The following KCNC2 variants were observed in gnomAD, a reference collection of about 807,000 sequenced individuals.
KCNC2 encodes the protein voltage-gated potassium channel KCNC2.
Under a neutral mutation model 44.5 loss-of-function variants are expected in KCNC2, and 21 were observed. That is an observed-to-expected ratio of 0.47 (90% CI 0.33 to 0.68). KCNC2 has a LOEUF of 0.68. Among genes scored for constraint, KCNC2 ranks in the 30% least tolerant of loss-of-function variants. The probability of loss-of-function intolerance (pLI) is 0.01; values close to 1 mark genes in which losing one functional copy is unlikely to be tolerated. For missense variants in KCNC2, 589 were observed against 826.2 expected (o/e 0.71, Z 3.52); for synonymous variants, 391 against 339.1 (o/e 1.15, Z -1.68).
intron 2 of KCNC2, among the ~76,000 whole-genome samples, chr12:75,081,049 G>T (rs1034683881): frequency 6.6e-6 from 1 of 152,022 alleles, no homozygotes; most frequent in Non-Finnish European, 1.5e-5. Context: ...ACAATTTTCA[G>T]AATGCATTAC....
At chr12:75,135,190 C>T (rs1426348341) in intron 2 of KCNC2, among the ~76,000 whole-genome samples, 1 of 151,356 alleles carries the variant, frequency 6.6e-6, no homozygotes, top group Non-Finnish European at 1.5e-5. Context: ...CAGGACAAAG[C>T]AGATGGAGAA....
Position 75,134,669 on chromosome 12 carries a change from T to C in KCNC2, c.687+72628A>G, listed in dbSNP as rs977382496. Reference sequence around the variant, plus strand: ...GAGTGGATTCTGCAAGCCTCTAAGATAAAAAATGCTTTTAAAATAGTCTTC... The same window carrying C: ...GAGTGGATTCTGCAAGCCTCTAAGACAAAAAATGCTTTTAAAATAGTCTTC... On this transcript the variant is annotated intron_variant, in intron 2 of 4. Coordinates refer to ENST00000549446, the MANE Select transcript of KCNC2 (RefSeq NM_139137.4). 6.6e-5 allele frequency among the ~76,000 whole-genome samples: 10 copies of C among 151,930 alleles called. No homozygotes were observed. The South Asian group carries it at 8.3e-4, about 13-fold the overall frequency.
rs754124018 is a variant in KCNC2 at position 75,051,024 on chromosome 12, G to A, written c.981C>T (p.Tyr327=). The A allele has an allele frequency of 1.4e-5, 22 of 1,613,616 alleles. No homozygotes were observed. The South Asian group carries it at 2.2e-4, about 16-fold the overall frequency. The change falls in exon 3 of 5, where the codon TAC becomes TAT. Residue 327 remains tyrosine (Y), a synonymous_variant. Coordinates refer to ENST00000549446, the MANE Select transcript of KCNC2 (RefSeq NM_139137.4). ...IIDFVAILPF[Y]LEVGLSGLSS... ...ACAGCCCACTGAGTCCCACCTCTAAGTAGAAAGGTAGGATGGCCACAAAGT... is the reference window on the plus strand; with the variant it reads ...ACAGCCCACTGAGTCCCACCTCTAAATAGAAAGGTAGGATGGCCACAAAGT...
At chr12:75,124,020 A>T (rs192727940) in intron 2 of KCNC2, 27 of 152,302 alleles carry the variant, frequency 1.8e-4, no homozygotes, top group African/African-American at 6.3e-4. Context: ...CACATTTCTT[A>T]AAAAAGGTCA....
At chr12:75,084,571 A>G (rs1016885011) in intron 2 of KCNC2, among the ~76,000 whole-genome samples, 3 of 151,954 alleles carry the variant, frequency 2.0e-5, no homozygotes, top group Non-Finnish European at 2.9e-5. Flanking sequence ...CCACCATGTA[A>G]GAAGTGCCTT....
intron 2 of KCNC2, among the ~76,000 whole-genome samples, chr12:75,068,125 C>A (rs1883021057): frequency 6.6e-6 from 1 of 151,908 alleles, no homozygotes. Flanking sequence ...AGGGATAGAC[C>A]CAGATGTGGA....
chr12:75,127,641 C>T (rs965249303), intron 2 of KCNC2, among the ~76,000 whole-genome samples: 3 of 152,190 alleles, frequency 2.0e-5, no homozygotes, highest in Non-Finnish European at 1.5e-5. Context: ...GCAAACAGTT[C>T]TTTCTCTAAA....
chr12:75,193,662 G>T (rs2030507019), intron 2 of KCNC2, among the ~76,000 whole-genome samples: 1 of 152,190 alleles, frequency 6.6e-6, no homozygotes, highest in African/African-American at 2.4e-5. Context: ...AAAGAAAAAG[G>T]AAAGGTAACC....
chr12:75,146,051 T>A (rs1174834821), intron 2 of KCNC2, among the ~76,000 whole-genome samples: 3 of 150,766 alleles, frequency 2.0e-5, no homozygotes, highest in African/African-American at 4.9e-5. Context: ...CCTCCCGGGG[T>A]TCACACCATT....
chr12:75,053,787 T>C (rs986197424), intron 2 of KCNC2, among the ~76,000 whole-genome samples: 2 of 147,600 alleles, frequency 1.4e-5, no homozygotes, highest in African/African-American at 4.9e-5. Context: ...TTATTTTTAT[T>C]ATATATAACA....
chr12:75,148,948 A>G (rs1236305377), intron 2 of KCNC2, among the ~76,000 whole-genome samples: 1 of 151,480 alleles, frequency 6.6e-6, no homozygotes, highest in Admixed American at 6.6e-5. Flanking sequence ...TTTATGTCAC[A>G]TTACATTTCT....
chr12:75,183,948 T>C (rs1244026133), intron 2 of KCNC2, among the ~76,000 whole-genome samples: 1 of 152,130 alleles, frequency 6.6e-6, no homozygotes, highest in Non-Finnish European at 1.5e-5. Context: ...ACTTTATATA[T>C]TTCCCAAGGA....
chr12:75,104,026 AGGATCATCTGCTTTGCATGATCCT>A (rs1308542169), intron 2 of KCNC2, among the ~76,000 whole-genome samples: 2 of 152,036 alleles, frequency 1.3e-5, no homozygotes, highest in Non-Finnish European at 2.9e-5. Context: ...CGTCAGAAGG[AGGATCATCTGCTTTGCATGATCCT>A]GGATCATCGA....
In KCNC2 at chr12:75,042,249, G is replaced by A. The variant is rs1879990656; in HGVS notation, c.*856C>T. ...GTCTAGAACCAAGCAGCAATTTCTG[G>A]CTAAACAATGCAAGCCTGGCTGGCA... On this transcript the variant is annotated 3_prime_UTR_variant, in exon 5 of 5. Coordinates refer to ENST00000549446, the MANE Select transcript of KCNC2 (RefSeq NM_139137.4). The A allele has an allele frequency of 1.9e-6, 3 of 1,592,900 alleles. No individual in the cohort carries two copies. The African/African-American group carries it at 4.1e-5, about 22-fold the overall frequency.
intron 2 of KCNC2, among the ~76,000 whole-genome samples, chr12:75,112,796 T>A (rs1169523189): frequency 6.6e-6 from 1 of 152,086 alleles, no homozygotes; most frequent in East Asian, 1.9e-4. Flanking sequence ...ATTAAGTACA[T>A]TACTTTTGAA....
chr12:75,073,099 T>C (rs568711023), intron 2 of KCNC2, among the ~76,000 whole-genome samples: 1 of 152,300 alleles, frequency 6.6e-6, no homozygotes, highest in South Asian at 2.1e-4. Context: ...TGTTTATCTG[T>C]TGAGGCCTGA....
chr12:75,162,598 T>A (rs1891190599), intron 2 of KCNC2, among the ~76,000 whole-genome samples: 2 of 151,760 alleles, frequency 1.3e-5, no homozygotes, highest in African/African-American at 4.8e-5. Context: ...TGATGTCACA[T>A]CTTAAATCAC....
Position 75,041,730 on chromosome 12 carries a change from A to G in KCNC2, c.*1375T>C, listed in dbSNP as rs966302731. On this transcript the variant is annotated 3_prime_UTR_variant, in exon 5 of 5. Coordinates refer to ENST00000549446, the MANE Select transcript of KCNC2 (RefSeq NM_139137.4). ...GACACTGCAGCAGGCAACCAAGTGC[A>G]ATGGTGAAATTGCTGCTTAAACCCT... 5.4e-5 allele frequency: 54 copies of G among 993,172 alleles called. No individual in the cohort carries two copies. Among genetic ancestry groups the G allele is most frequent in the Non-Finnish European group, 6.5e-5 (54 of 834,356 alleles). 61.5% of individuals were successfully genotyped at this position (993,172 alleles called of 1,614,324 possible).
intron 2 of KCNC2, among the ~76,000 whole-genome samples, chr12:75,093,763 C>T (rs539909328): frequency 6.6e-6 from 1 of 151,578 alleles, no homozygotes; most frequent in South Asian, 2.1e-4. Context: ...ACAGAAGATT[C>T]AAGGTTTTCA....
Sources: allele counts gnomAD v4.1 joint callset (sites outside exome capture counted in the v4.1 genomes callset), GRCh38; gene constraint gnomAD v4.1.1; transcripts MANE v1.5; gene names NCBI Gene and HGNC (gene_info 2026-07-23, HGNC 2026-07-21).